The following TANK variants were observed in gnomAD, a reference collection of about 807,000 sequenced individuals.
TANK encodes the protein TRAF family member-associated NF-kappa-B activator.
A neutral mutation model predicts 43.6 loss-of-function variants in TANK; 15 were observed. The ratio of observed to expected loss-of-function variants is 0.34; its 90% CI spans 0.23 to 0.53. TANK has a LOEUF of 0.53. Ranked by LOEUF, TANK falls within the 20% of genes least tolerant of loss-of-function variation. The pLI is 0.94. For missense variants in TANK, 417 were observed against 498.6 expected (o/e 0.84, Z 1.56); for synonymous variants, 162 against 178.2 (o/e 0.91, Z 0.73).
At chr2:161,144,442 GTGCTAT>G (rs1352842410) in intron 1 of TANK, among the ~76,000 whole-genome samples, 1 of 152,138 alleles carries the variant, frequency 6.6e-6, no homozygotes, top group East Asian at 1.9e-4. Context: ...TGGGCATTTA[GTGCTAT>G]AAACTTCCCT....
At chr2:161,235,019 G>A (rs1688112163) in intron 7 of TANK, among the ~76,000 whole-genome samples, 2 of 151,650 alleles carry the variant, frequency 1.3e-5, no homozygotes, top group Middle Eastern at 3.4e-3. Context: ...AAAGACCAGA[G>A]TATTAGCTAT....
chr2:161,166,483 G>A (rs1038072386), intron 1 of TANK, among the ~76,000 whole-genome samples: 13 of 152,174 alleles, frequency 8.5e-5, no homozygotes, highest in African/African-American at 2.9e-4. Flanking sequence ...ATATTTTTGA[G>A]TGTCTTTAAA....
At chr2:161,162,997 T>C (rs1402761585) in intron 1 of TANK, 1 of 152,220 alleles carries the variant, frequency 6.6e-6, no homozygotes, top group African/African-American at 2.4e-5. Flanking sequence ...TGAACCAATC[T>C]TACGCTTGGT....
At chr2:161,210,364 C>G (rs139503428) in intron 4 of TANK, among the ~76,000 whole-genome samples, 1 of 151,986 alleles carries the variant, frequency 6.6e-6, no homozygotes, top group Admixed American at 6.6e-5. Context: ...AACAGAAATA[C>G]AAAAAACAAA....
At chr2:161,195,445 G>T (rs1200089705) in intron 2 of TANK, among the ~76,000 whole-genome samples, 3 of 152,028 alleles carry the variant, frequency 2.0e-5, no homozygotes, top group Non-Finnish European at 4.4e-5. Context: ...TTTTTGAAAG[G>T]GCAGGTTTGG....
At chr2:161,196,709 G>A (rs1686167291) in intron 2 of TANK, among the ~76,000 whole-genome samples, 1 of 152,052 alleles carries the variant, frequency 6.6e-6, no homozygotes, top group Non-Finnish European at 1.5e-5. Context: ...ATAAAAATTA[G>A]CCAGGTGTGA....
At chr2:161,225,641 C>T (rs1687576979) in intron 6 of TANK, among the ~76,000 whole-genome samples, 1 of 152,066 alleles carries the variant, frequency 6.6e-6, no homozygotes, top group African/African-American at 2.4e-5. Flanking sequence ...ATGATAAATT[C>T]TCCTTTACCT....
At chr2:161,191,810 T>C (rs1394306407) in intron 2 of TANK, among the ~76,000 whole-genome samples, 1 of 152,188 alleles carries the variant, frequency 6.6e-6, no homozygotes, top group African/African-American at 2.4e-5. Flanking sequence ...TTTCTTTTTT[T>C]TGAGATGGAA....
intron 1 of TANK, chr2:161,161,297 A>G (rs1258899799): frequency 1.3e-6 from 2 of 1,550,632 alleles, no homozygotes; most frequent in South Asian, 2.4e-5. Flanking sequence ...GATGCTTTTG[A>G]CAAGTTATAA....
chr2:161,155,839 T>A (rs1003681211), upstream of TANK, among the ~76,000 whole-genome samples: 6 of 152,194 alleles, frequency 3.9e-5, no homozygotes, highest in Non-Finnish European at 7.4e-5. Flanking sequence ...ATTGCCTGAT[T>A]CTTGTATGTA....
rs188131248 is a variant in TANK, at chr2:161,179,896, A to G, written c.99+135A>G. 4.6e-5 allele frequency: 60 copies of G among 1,292,586 alleles called. No homozygotes were observed. In the African/African-American group the frequency reaches 6.9e-4, roughly 15 times the overall value. 80.1% of individuals were successfully genotyped at this position (1,292,586 alleles called of 1,614,324 possible). ...ATTACAGAAATGCAGGTATATATTA[A>G]TGGATTAAATTTGAAGTTTTTGTTT... On this transcript the variant is annotated intron_variant, in intron 2 of 7. Coordinates refer to ENST00000392749, the MANE Select transcript of TANK (RefSeq NM_001199135.3).
intron 4 of TANK, among the ~76,000 whole-genome samples, chr2:161,209,459 A>G (rs1686786286): frequency 6.6e-6 from 1 of 152,162 alleles, no homozygotes; most frequent in East Asian, 1.9e-4. Context: ...AAAACTATAA[A>G]TTGTCAGTTT....
chr2:161,185,717 TG>T (rs956952892), intron 2 of TANK, among the ~76,000 whole-genome samples: 2 of 60,056 alleles, frequency 3.3e-5, no homozygotes, highest in Admixed American at 5.3e-4. Flanking sequence ...TGTGGTGGGG[TG>T]GGGGGAGGGG....
intron 1 of TANK, among the ~76,000 whole-genome samples, chr2:161,174,078 ATATCT>A (rs1010337322): frequency 8.5e-5 from 13 of 152,296 alleles, no homozygotes; most frequent in South Asian, 6.2e-4. Flanking sequence ...AACAAATAAC[ATATCT>A]TATATATATG....
At chr2:161,183,325 A>T (rs1039452425) in intron 2 of TANK, among the ~76,000 whole-genome samples, 6 of 152,178 alleles carry the variant, frequency 3.9e-5, no homozygotes, top group Non-Finnish European at 8.8e-5. Flanking sequence ...GGGCTTTCTA[A>T]GATTATTGAA....
Position 161,139,671 on chromosome 2 carries a change from C to T in TANK, c.-50+2608C>T, listed in dbSNP as rs1038184523. 8.8e-5 allele frequency: 87 copies of T among 984,814 alleles called. No individual in the cohort carries two copies. In the African/African-American group the frequency reaches 1.4e-3, roughly 16 times the overall value. 61.0% of individuals were successfully genotyped at this position (984,814 alleles called of 1,614,324 possible). ...CCTACACGTTTCCTCTTTTTCTCTCCAATCCACATGCTTAGACACCTCTTC... is the reference window on the plus strand; with the variant it reads ...CCTACACGTTTCCTCTTTTTCTCTCTAATCCACATGCTTAGACACCTCTTC... On this transcript the variant is annotated intron_variant, in intron 1 of 7. Coordinates refer to the TANK transcript ENST00000259075.
At chr2:161,230,495 G>A (rs1312362985) in intron 6 of TANK, among the ~76,000 whole-genome samples, 1 of 152,094 alleles carries the variant, frequency 6.6e-6, no homozygotes, top group Non-Finnish European at 1.5e-5. Flanking sequence ...ATGGATTATT[G>A]AGAGCAGACA....
chr2:161,171,563 G>A (rs1158931366), intron 1 of TANK, among the ~76,000 whole-genome samples: 1 of 152,102 alleles, frequency 6.6e-6, no homozygotes. Flanking sequence ...GTAGGTTTTT[G>A]CCTGTTCCTA....
intron 1 of TANK, among the ~76,000 whole-genome samples, chr2:161,168,908 G>T (rs1457290312): frequency 6.6e-6 from 1 of 152,172 alleles, no homozygotes; most frequent in East Asian, 1.9e-4. Flanking sequence ...AAAGCTTTCA[G>T]AATTCTGAGG....
Sources: gnomAD v4.1 joint callset for allele counts (sites outside exome capture counted in the v4.1 genomes callset) on GRCh38, gnomAD v4.1.1 for gene constraint, MANE v1.5 for transcripts, NCBI Gene and HGNC (gene_info 2026-07-23, HGNC 2026-07-21) for gene names.